AUTS2: variants seen among roughly 807,000 people sequenced by gnomAD.
The protein encoded by AUTS2 is activator of transcription and developmental regulator AUTS2.
In AUTS2, 17 loss-of-function variants were observed where a neutral mutation model predicts 112.4. The observed-to-expected ratio is 0.15, with a 90% CI of 0.10 to 0.23. AUTS2 has a LOEUF of 0.23. AUTS2 is among the 10% of genes least tolerant of loss of function. The pLI is 1.00. For missense variants in AUTS2, 1,510 were observed against 1,701.6 expected, an observed-to-expected ratio of 0.89 and a Z score of 1.98; for synonymous variants, 751 against 702.7, an observed-to-expected ratio of 1.07 and a Z score of -1.09.
At chr7:70,547,789 A>G (rs1427237975) in intron 5 of AUTS2, among the ~76,000 whole-genome samples, 1 of 152,172 alleles carries the variant, frequency 6.6e-6, no homozygotes, top group Admixed American at 6.5e-5. Flanking sequence ...CTGAGTGGAC[A>G]TGTGTTTTCA....
chr7:69,785,736 G>T (rs533158120), intron 1 of AUTS2, among the ~76,000 whole-genome samples: 7 of 152,340 alleles, frequency 4.6e-5, no homozygotes, highest in South Asian at 4.1e-4. Context: ...GCCATGGTTT[G>T]TCAGGGGCCT....
intron 2 of AUTS2, among the ~76,000 whole-genome samples, chr7:70,085,645 G>A (rs1209839184): frequency 6.6e-6 from 1 of 152,180 alleles, no homozygotes; most frequent in Non-Finnish European, 1.5e-5. Flanking sequence ...GGGATTACAG[G>A]CATGAGCCAA....
chr7:70,739,566 G>T (rs936004455), intron 6 of AUTS2, among the ~76,000 whole-genome samples: 1 of 152,110 alleles, frequency 6.6e-6, no homozygotes, highest in African/African-American at 2.4e-5. Flanking sequence ...TTACAGGATA[G>T]GAGATAGAGA....
At chr7:69,916,484 G>C (rs1414546290) in intron 2 of AUTS2, among the ~76,000 whole-genome samples, 1 of 152,062 alleles carries the variant, frequency 6.6e-6, no homozygotes, top group Non-Finnish European at 1.5e-5. Flanking sequence ...TCAACTTCTA[G>C]ATTCATAAAC....
At chr7:69,930,450 A>G (rs2129543845) in intron 2 of AUTS2, among the ~76,000 whole-genome samples, 2 of 152,072 alleles carry the variant, frequency 1.3e-5, no homozygotes. Context: ...CACCCTGGAA[A>G]CTCTCCAGAC....
intron 1 of AUTS2, among the ~76,000 whole-genome samples, chr7:69,603,254 A>G (rs1219631401): frequency 6.6e-6 from 1 of 152,212 alleles, no homozygotes; most frequent in Non-Finnish European, 1.5e-5. Context: ...GGAGTAGCAT[A>G]CTTTGTGTGT....
At chr7:69,847,740 C>T (rs1049359920) in intron 1 of AUTS2, among the ~76,000 whole-genome samples, 7 of 152,268 alleles carry the variant, frequency 4.6e-5, no homozygotes, top group Admixed American at 2.0e-4. Context: ...AACACTTGAA[C>T]GTGAGAGCGA....
At chr7:69,896,063 C>T (rs1794729152) in intron 1 of AUTS2, among the ~76,000 whole-genome samples, 2 of 152,214 alleles carry the variant, frequency 1.3e-5, no homozygotes, top group South Asian at 2.1e-4. Flanking sequence ...ACCTGGCTCC[C>T]TCTGCTAGTG....
At chr7:69,894,803 C>T (rs947534680) in intron 1 of AUTS2, among the ~76,000 whole-genome samples, 1 of 152,032 alleles carries the variant, frequency 6.6e-6, no homozygotes, top group Non-Finnish European at 1.5e-5. Context: ...TTTGGGGTGG[C>T]GTGTTCTGCC....
chr7:69,662,279 C>T (rs1584028556), intron 1 of AUTS2, among the ~76,000 whole-genome samples: 1 of 151,750 alleles, frequency 6.6e-6, no homozygotes, highest in South Asian at 2.1e-4. Flanking sequence ...CTGGAAGAGC[C>T]GACCAACTTA....
intron 5 of AUTS2, among the ~76,000 whole-genome samples, chr7:70,491,171 A>G (rs1272267774): frequency 6.6e-6 from 1 of 152,138 alleles, no homozygotes; most frequent in Non-Finnish European, 1.5e-5. Context: ...TCTTTGTGTC[A>G]TTGTTGCTCT....
At chr7:70,599,609 T>G (rs34164699) in intron 5 of AUTS2, among the ~76,000 whole-genome samples, 14,503 of 152,238 alleles carry the variant, frequency 0.095, 1,185 homozygotes, top group African/African-American at 0.22. Context: ...TGTCCCATGA[T>G]CCAACTCTGA....
intron 2 of AUTS2, among the ~76,000 whole-genome samples, chr7:69,942,058 A>G (rs1796646195): frequency 6.6e-6 from 1 of 152,138 alleles, no homozygotes; most frequent in Non-Finnish European, 1.5e-5. Context: ...ATACGTAGAA[A>G]ATTTGTATCT....
At chr7:69,993,210 A>C (rs1798809631) in intron 2 of AUTS2, among the ~76,000 whole-genome samples, 1 of 152,152 alleles carries the variant, frequency 6.6e-6, no homozygotes, top group African/African-American at 2.4e-5. Flanking sequence ...GTCCAACAAC[A>C]ATCTTGCAGC....
chr7:69,650,468 A>G (rs1183651699), intron 1 of AUTS2, among the ~76,000 whole-genome samples: 1 of 152,124 alleles, frequency 6.6e-6, no homozygotes, highest in Non-Finnish European at 1.5e-5. Context: ...ACTGTAAAGT[A>G]CTCTATTGAA....
chr7:70,699,873 AAGG>A (rs1809351496), intron 6 of AUTS2, among the ~76,000 whole-genome samples: 2 of 152,254 alleles, frequency 1.3e-5, no homozygotes, highest in Non-Finnish European at 2.9e-5. Flanking sequence ...CCTTGTGAGA[AAGG>A]AGGGTGATGG....
chr7:70,602,668 G>T (rs1803536050), intron 5 of AUTS2, among the ~76,000 whole-genome samples: 1 of 152,142 alleles, frequency 6.6e-6, no homozygotes, highest in Non-Finnish European at 1.5e-5. Flanking sequence ...TTTCTTCCAG[G>T]AGCCCCTCTG....
At chr7:69,675,425 T>A (rs1051320643) in intron 1 of AUTS2, among the ~76,000 whole-genome samples, 1 of 152,008 alleles carries the variant, frequency 6.6e-6, no homozygotes, top group Non-Finnish European at 1.5e-5. Context: ...CACCTAAATC[T>A]CTCTAGGACT....
At chr7:70,190,010 G>T (rs1192032244) in intron 4 of AUTS2, among the ~76,000 whole-genome samples, 6 of 152,168 alleles carry the variant, frequency 3.9e-5, no homozygotes, top group African/African-American at 7.2e-5. Flanking sequence ...AATGGTCCAT[G>T]ATGTGTGCTT....
Sources: allele counts gnomAD v4.1 joint callset (sites outside exome capture counted in the v4.1 genomes callset), GRCh38; gene constraint gnomAD v4.1.1; transcripts MANE v1.5; gene names NCBI Gene and HGNC (gene_info 2026-07-23, HGNC 2026-07-21).